Variants in NXPE2 observed in about 807,000 individuals in gnomAD.
NXPE2 encodes NXPE family member 2.
A neutral mutation model predicts 34.4 loss-of-function variants in NXPE2; 34 were observed. The observed-to-expected ratio is 0.99, with a 90% CI of 0.75 to 1.31. The LOEUF (loss-of-function observed/expected upper bound fraction) is 1.31, where lower values mean the gene tolerates loss of function less well. Ranked by LOEUF, NXPE2 falls within the 40% of genes most tolerant of loss-of-function variation. The probability of loss-of-function intolerance (pLI) is 0.00; values close to 1 mark genes in which losing one functional copy is unlikely to be tolerated. For synonymous variants in NXPE2, 235 were observed against 231.3 expected (o/e 1.02, Z -0.15); for missense variants, 649 against 672.5 (o/e 0.97, Z 0.39).
the NXPE2 span, among the ~76,000 whole-genome samples, chr11:114,645,520 T>C: frequency 6.6e-6 from 1 of 151,856 alleles, no homozygotes; most frequent in Non-Finnish European, 1.5e-5. Flanking sequence ...TAGAAGAAAA[T>C]GTTGATAAAT....
At chr11:114,799,990 C>T in the NXPE2 span, among the ~76,000 whole-genome samples, 1 of 152,042 alleles carries the variant, frequency 6.6e-6, no homozygotes, top group African/African-American at 2.4e-5. Flanking sequence ...CTCCCTCTTT[C>T]TTTCTAGGTA....
At chr11:114,585,522 A>G in the NXPE2 span, among the ~76,000 whole-genome samples, 3 of 152,136 alleles carry the variant, frequency 2.0e-5, no homozygotes, top group Non-Finnish European at 2.9e-5. Flanking sequence ...AAAACTGTAA[A>G]AAGAGAAAAA....
the NXPE2 span, among the ~76,000 whole-genome samples, chr11:114,790,336 G>C: frequency 6.6e-6 from 1 of 152,138 alleles, no homozygotes; most frequent in African/African-American, 2.4e-5. Flanking sequence ...CCTTCTGTAA[G>C]AAGCCAAAGG....
At chr11:114,726,582 T>C in the NXPE2 span, among the ~76,000 whole-genome samples, 12 of 152,122 alleles carry the variant, frequency 7.9e-5, no homozygotes, top group Admixed American at 7.2e-4. Context: ...TCTTAGTTTT[T>C]GTACAATGGA....
At chr11:114,718,779 G>A in the NXPE2 span, among the ~76,000 whole-genome samples, 1 of 152,124 alleles carries the variant, frequency 6.6e-6, no homozygotes, top group East Asian at 1.9e-4. Flanking sequence ...GCAGAGAGAG[G>A]GAGGAGACCT....
the NXPE2 span, among the ~76,000 whole-genome samples, chr11:114,759,856 A>G: frequency 6.6e-6 from 1 of 152,200 alleles, no homozygotes; most frequent in Non-Finnish European, 1.5e-5. Flanking sequence ...CCTAGGAATC[A>G]CTGGTCCAGA....
chr11:114,480,064 A>G, the NXPE2 span, among the ~76,000 whole-genome samples: 1 of 152,146 alleles, frequency 6.6e-6, no homozygotes, highest in Non-Finnish European at 1.5e-5. Flanking sequence ...ATTTGTGAGG[A>G]GTCCAACCCC....
chr11:114,806,148 G>C, the NXPE2 span, among the ~76,000 whole-genome samples: 1 of 152,124 alleles, frequency 6.6e-6, no homozygotes, highest in Admixed American at 6.6e-5. Context: ...TCTGTTAGAA[G>C]GAAAACTAAC....
chr11:114,773,288 C>CCCCCCCCCCCCG, the NXPE2 span, among the ~76,000 whole-genome samples: 9 of 95,864 alleles, frequency 9.4e-5, no homozygotes, highest in South Asian at 5.0e-4. Flanking sequence ...CACCCCCCCC[C>CCCCCCCCCCCCG]CACCCCATTC....
At position 114,705,786 on chromosome 11, in the gene NXPE2, G is replaced by A. The variant is rs1266118114; in HGVS notation, c.934G>A (p.Glu312Lys). 7.6e-6 allele frequency: 11 copies of A among 1,456,106 alleles called. No individual in the cohort carries two copies. Among genetic ancestry groups the A allele is most frequent in the African/African-American group, 2.9e-5 (2 of 68,074 alleles). 90.2% of individuals were successfully genotyped at this position (1,456,106 alleles called of 1,614,324 possible). ...CTGGAAATTTGTATTGCCAGAGAGC[G>A]AGAACATAAAAAAGAACTGCCAGAT... Reference protein sequence around the residue: ...PIEVIPCNKSENIKKNCQIGM... With the variant: ...PIEVIPCNKSKNIKKNCQIGM... Residue 312 changes from glutamate (E) to lysine (K), a missense_variant, in exon 5 of 6, where the codon GAG becomes AAG. Physicochemically the swap from Glu to Lys is moderately conservative, Grantham distance 56 (BLOSUM62 1). Transcript: ENST00000389586.
chr11:114,625,278 G>A, the NXPE2 span, among the ~76,000 whole-genome samples: 1 of 152,158 alleles, frequency 6.6e-6, no homozygotes, highest in Non-Finnish European at 1.5e-5. Context: ...AATACGAGTT[G>A]CCTCATGCGT....
the NXPE2 span, among the ~76,000 whole-genome samples, chr11:114,805,099 T>C: frequency 6.6e-6 from 1 of 152,058 alleles, no homozygotes; most frequent in Non-Finnish European, 1.5e-5. Flanking sequence ...ACTCCTTAAA[T>C]GTAAGACAAA....
At chr11:114,597,608 G>A in the NXPE2 span, among the ~76,000 whole-genome samples, 4 of 152,126 alleles carry the variant, frequency 2.6e-5, no homozygotes, top group Non-Finnish European at 5.9e-5. Context: ...CTAGTGCCTA[G>A]ACCTTGGTTT....
chr11:114,669,279 C>T, the NXPE2 span, among the ~76,000 whole-genome samples: 1 of 152,044 alleles, frequency 6.6e-6, no homozygotes, highest in Non-Finnish European at 1.5e-5. Flanking sequence ...TTCTATATCT[C>T]AGTTAGAATG....
chr11:114,651,434 T>C, the NXPE2 span, among the ~76,000 whole-genome samples: 1 of 152,172 alleles, frequency 6.6e-6, no homozygotes, highest in Non-Finnish European at 1.5e-5. Context: ...CGGTGAGTGT[T>C]ACAGCTCATA....
the NXPE2 span, among the ~76,000 whole-genome samples, chr11:114,728,703 A>G: frequency 1.3e-5 from 2 of 152,050 alleles, no homozygotes; most frequent in Non-Finnish European, 2.9e-5. Flanking sequence ...CTCTGTCTCA[A>G]CTACTCAACT....
chr11:114,672,636 A>G, the NXPE2 span, among the ~76,000 whole-genome samples: 1 of 151,912 alleles, frequency 6.6e-6, no homozygotes, highest in Admixed American at 6.6e-5. Context: ...GAAAAAAGGT[A>G]TCATTCAAAC....
chr11:114,640,987 A>C, the NXPE2 span, among the ~76,000 whole-genome samples: 1 of 152,042 alleles, frequency 6.6e-6, no homozygotes, highest in African/African-American at 2.4e-5. Context: ...AATTAAGTGT[A>C]ATCAACATCA....
At chr11:114,534,858 C>A in the NXPE2 span, among the ~76,000 whole-genome samples, 2 of 152,206 alleles carry the variant, frequency 1.3e-5, no homozygotes, top group African/African-American at 2.4e-5. Flanking sequence ...AAACACTCTG[C>A]AGGATATTAT....
Sources: gnomAD v4.1 joint callset for allele counts (sites outside exome capture counted in the v4.1 genomes callset) on GRCh38, gnomAD v4.1.1 for gene constraint, MANE v1.5 for transcripts, NCBI Gene and HGNC (gene_info 2026-07-23, HGNC 2026-07-21) for gene names.